Variants in ARFGAP3 observed in about 807,000 individuals in gnomAD.
The protein encoded by ARFGAP3 is ARF GTPase activating protein 3.
In ARFGAP3, 72 loss-of-function variants were observed where a neutral mutation model predicts 75.0. The ratio of observed to expected loss-of-function variants is 0.96; its 90% CI spans 0.79 to 1.17. The LOEUF is 1.17. Ranked by LOEUF, ARFGAP3 falls within the 50% of genes most tolerant of loss-of-function variation. The probability of loss-of-function intolerance (pLI) is 0.00; values close to 1 mark genes in which losing one functional copy is unlikely to be tolerated. For missense variants in ARFGAP3, 620 were observed against 626.6 expected (o/e 0.99, Z 0.11); for synonymous variants, 221 against 217.9 (o/e 1.01, Z -0.13).
At chr22:42,845,560 A>C (rs116274255) in intron 2 of ARFGAP3, among the ~76,000 whole-genome samples, 2,191 of 151,730 alleles carry the variant, frequency 0.014, 58 homozygotes, top group African/African-American at 0.045. Flanking sequence ...ACAACAACAA[A>C]AAAAAACCCC....
intron 14 of ARFGAP3, among the ~76,000 whole-genome samples, chr22:42,801,725 A>C (rs1340896480): frequency 6.6e-6 from 1 of 152,022 alleles, no homozygotes. Flanking sequence ...TCATCCTCAA[A>C]CACCTGCAGA....
In ARFGAP3 at chr22:42,822,862, TAC is replaced by T. The variant is rs1169731398; in HGVS notation, c.673-455_673-454del. ...TCTCATGCTGTTGACCAAGCTGGAG[TAC>T]AGTGGCACAATCTCAGCTCACTGCA... On this transcript the variant is annotated intron_variant, in intron 8 of 15. Coordinates refer to ENST00000263245, the MANE Select transcript of ARFGAP3 (RefSeq NM_014570.5). 3.3e-5 allele frequency among the ~76,000 whole-genome samples: 5 copies of T among 152,174 alleles called. No individual in the cohort carries two copies. The South Asian group carries it at 1.0e-3, about 32-fold the overall frequency.
chr22:42,843,878 CTGGGAG>C (rs1398957323), intron 2 of ARFGAP3, among the ~76,000 whole-genome samples: 47 of 152,318 alleles, frequency 3.1e-4, no homozygotes, highest in Non-Finnish European at 6.0e-4. Flanking sequence ...CTGGTCCACT[CTGGGAG>C]CAGTCAGCAA....
intron 15 of ARFGAP3, 56 bp downstream of exon 15, chr22:42,798,983 T>G: frequency 6.7e-7 from 1 of 1,498,066 alleles, no homozygotes; most frequent in South Asian, 1.1e-5. Flanking sequence ...CAGGTCTCAT[T>G]TTCAAACTGC....
intron 15 of ARFGAP3, 58 bp downstream of exon 15, chr22:42,798,981 A>G: frequency 6.1e-6 from 9 of 1,472,784 alleles, no homozygotes; most frequent in Non-Finnish European, 7.6e-6. Context: ...AGCAGGTCTC[A>G]TTTTCAAACT....
chr22:42,813,229 T>A (rs985556672), intron 11 of ARFGAP3, among the ~76,000 whole-genome samples: 1 of 152,170 alleles, frequency 6.6e-6, no homozygotes, highest in South Asian at 2.1e-4. Context: ...AACTGACTTA[T>A]GGAAGGGAGG....
In ARFGAP3 at chr22:42,835,347, C is replaced by G; in HGVS notation, c.393+15G>C. ...CATGTATCTAAAGGAAACAATCCAG[C>G]CTCCAGTGACTTACATCAGTGCCAT... On this transcript the variant is annotated intron_variant, in intron 4 of 15. Coordinates refer to ENST00000263245, the MANE Select transcript of ARFGAP3 (RefSeq NM_014570.5). The G allele has an allele frequency of 6.2e-7, 1 of 1,612,088 alleles. No homozygotes were observed. The highest frequency in any genetic ancestry group is 2.2e-5 in the East Asian group (1 of 44,838).
At chr22:42,810,656 T>A (rs1046995383) in intron 12 of ARFGAP3, among the ~76,000 whole-genome samples, 157 bp downstream of exon 12, 34 of 152,128 alleles carry the variant, frequency 2.2e-4, no homozygotes, top group African/African-American at 8.0e-4. Flanking sequence ...TGGGCTCAAG[T>A]GATCCTTTGA....
At chr22:42,856,457 C>T (rs1442830992) in intron 1 of ARFGAP3, among the ~76,000 whole-genome samples, 2 of 151,772 alleles carry the variant, frequency 1.3e-5, no homozygotes, top group Non-Finnish European at 2.9e-5. Flanking sequence ...CAGCCAGCTG[C>T]GCAAAGCTGT....
chr22:42,843,549 A>G (rs1363856624), intron 2 of ARFGAP3, among the ~76,000 whole-genome samples: 1 of 152,104 alleles, frequency 6.6e-6, no homozygotes, highest in African/African-American at 2.4e-5. Context: ...TCCATTATCA[A>G]AACCTCACCA....
At chr22:42,851,686 G>C (rs192155790) in intron 1 of ARFGAP3, among the ~76,000 whole-genome samples, 1 of 152,184 alleles carries the variant, frequency 6.6e-6, no homozygotes, top group Non-Finnish European at 1.5e-5. Context: ...TTGGAAGCAG[G>C]GACTGCGCTT....
chr22:42,834,052 G>C (rs1400734198), intron 5 of ARFGAP3, among the ~76,000 whole-genome samples, 190 bp downstream of exon 5: 1 of 152,228 alleles, frequency 6.6e-6, no homozygotes, highest in African/African-American at 2.4e-5. Context: ...GAACAGCAAA[G>C]TAAGTCCATC....
At chr22:42,824,170 ATTTTTT>A (rs57620930) in intron 7 of ARFGAP3, among the ~76,000 whole-genome samples, 3 of 59,832 alleles carry the variant, frequency 5.0e-5, no homozygotes, top group Non-Finnish European at 3.0e-5. Context: ...ACATCTGGCT[ATTTTTT>A]TTTTTTTTTT....
intron 2 of ARFGAP3, among the ~76,000 whole-genome samples, chr22:42,845,808 G>A (rs1041081791): frequency 1.3e-5 from 2 of 152,034 alleles, no homozygotes; most frequent in Non-Finnish European, 2.9e-5. Context: ...GGGAGGACGA[G>A]GGGGGTGGAT....
At chr22:42,828,678 G>A (rs1188417714) in intron 6 of ARFGAP3, among the ~76,000 whole-genome samples, 3 of 145,418 alleles carry the variant, frequency 2.1e-5, no homozygotes, top group Non-Finnish European at 4.5e-5. Flanking sequence ...CAAAGCCCCC[G>A]GCCTTTTTTT....
At chr22:42,837,312 A>G (rs1926560515) in intron 3 of ARFGAP3, among the ~76,000 whole-genome samples, 1 of 152,086 alleles carries the variant, frequency 6.6e-6, no homozygotes, top group East Asian at 1.9e-4. Context: ...AAAACAGAAA[A>G]TCAATAAAAA....
intron 1 of ARFGAP3, among the ~76,000 whole-genome samples, chr22:42,850,425 T>C (rs956434632): frequency 5.3e-5 from 8 of 151,544 alleles, no homozygotes; most frequent in African/African-American, 1.9e-4. Flanking sequence ...ATTAAAAAAA[T>C]TAGCCGGCGT....
At chr22:42,827,133 A>C in intron 6 of ARFGAP3, 134 bp from the exon 7 acceptor site, 2 of 1,352,094 alleles carry the variant, frequency 1.5e-6, no homozygotes, top group Non-Finnish European at 1.9e-6. Flanking sequence ...TTTTAGCTGT[A>C]TATTCTATTT....
intron 1 of ARFGAP3, among the ~76,000 whole-genome samples, chr22:42,850,946 G>A (rs755067555): frequency 6.6e-6 from 1 of 152,246 alleles, no homozygotes; most frequent in Non-Finnish European, 1.5e-5. Flanking sequence ...ACTGAGAAGT[G>A]GGGAAGACAG....
Sources: allele counts gnomAD v4.1 joint callset (sites outside exome capture counted in the v4.1 genomes callset), GRCh38; gene constraint gnomAD v4.1.1; transcripts MANE v1.5; gene names NCBI Gene and HGNC (gene_info 2026-07-23, HGNC 2026-07-21).